SBF2: variants seen among roughly 807,000 people sequenced by gnomAD.
The protein encoded by SBF2 is SET binding factor 2.
SBF2 carries 112 observed loss-of-function variants against 225.2 expected under a neutral mutation model. The ratio of observed to expected loss-of-function variants is 0.50; its 90% CI spans 0.43 to 0.58. The LOEUF (loss-of-function observed/expected upper bound fraction) is 0.58, where lower values mean the gene tolerates loss of function less well. Ranked by LOEUF, SBF2 falls within the 20% of genes least tolerant of loss-of-function variation. SBF2 has a pLI of 0.00. For missense variants in SBF2, 1,996 were observed against 2,206.2 expected (o/e 0.90, Z 1.91); for synonymous variants, 763 against 773.3 (o/e 0.99, Z 0.22).
rs573544810 is a variant in SBF2, at chr11:10,084,488, T to A, written c.142-41507A>T. Among the ~76,000 whole-genome samples, 12 of 152,172 alleles carry A rather than the reference T, an allele frequency of 7.9e-5. 1 individual carries two copies. Among genetic ancestry groups the A allele is most frequent in the Admixed American group, 2.0e-4 (3 of 15,274 alleles). On this transcript the variant is annotated intron_variant, in intron 2 of 39. Coordinates refer to ENST00000256190, the MANE Select transcript of SBF2 (RefSeq NM_030962.4). ...GCTTATACACTGTTGGGTGGGAATGTAAATTAGCACAACCTCTGTAGAAAA... is the reference window on the plus strand; with the variant it reads ...GCTTATACACTGTTGGGTGGGAATGAAAATTAGCACAACCTCTGTAGAAAA...
At chr11:10,152,221 T>A (rs967370218) in intron 2 of SBF2, among the ~76,000 whole-genome samples, 1 of 152,214 alleles carries the variant, frequency 6.6e-6, no homozygotes, top group African/African-American at 2.4e-5. Flanking sequence ...TTGATCCATA[T>A]GCTGAATTAA....
intron 1 of SBF2, among the ~76,000 whole-genome samples, chr11:10,229,140 T>C (rs547983051): frequency 2.6e-5 from 4 of 152,296 alleles, no homozygotes; most frequent in African/African-American, 7.2e-5. Flanking sequence ...GTAGTTTGTA[T>C]TTCTGTGGGA....
chr11:10,066,453 T>C (rs1255828291), intron 2 of SBF2, among the ~76,000 whole-genome samples: 1 of 152,004 alleles, frequency 6.6e-6, no homozygotes, highest in Admixed American at 6.6e-5. Flanking sequence ...TTGATTTACA[T>C]TTGAAAAGCA....
chr11:9,850,274 G>T, intron 21 of SBF2, 56 bp from the exon 22 acceptor site: 1 of 1,542,092 alleles, frequency 6.5e-7, no homozygotes, highest in Non-Finnish European at 8.9e-7. Flanking sequence ...TTGATTTTTG[G>T]AGACAGGGTC....
At chr11:10,261,227 G>A (rs1358530288) in intron 1 of SBF2, among the ~76,000 whole-genome samples, 1 of 152,140 alleles carries the variant, frequency 6.6e-6, no homozygotes, top group African/African-American at 2.4e-5. Flanking sequence ...TTTTGAAACA[G>A]TATCTCACTC....
chr11:10,302,965 C>T (rs1210088436), intron 1 of SBF2: 1 of 152,246 alleles, frequency 6.6e-6, no homozygotes, highest in Non-Finnish European at 1.5e-5. Context: ...TAAAACCTGT[C>T]CTGGCGCGGA....
chr11:10,044,845 A>C (rs2134688521), intron 2 of SBF2, among the ~76,000 whole-genome samples: 1 of 152,320 alleles, frequency 6.6e-6, no homozygotes, highest in African/African-American at 2.4e-5. Flanking sequence ...TGCTCTTGTG[A>C]TCGTGGCTGA....
chr11:10,123,565 AAG>A (rs1336261233), intron 2 of SBF2, among the ~76,000 whole-genome samples: 10 of 152,124 alleles, frequency 6.6e-5, no homozygotes. Context: ...TACTTGAAAA[AAG>A]AGAGAGAAAT....
intron 39 of SBF2, among the ~76,000 whole-genome samples, chr11:9,781,117 A>G (rs543376381): frequency 1.3e-5 from 2 of 152,374 alleles, no homozygotes; most frequent in South Asian, 2.1e-4. Context: ...ATGTTAGCGT[A>G]GACACTTATC....
Position 9,809,038 on chromosome 11 carries a change from C to T in SBF2, c.4156-36G>A, listed in dbSNP as rs372871342. On this transcript the variant is annotated intron_variant, in intron 30 of 39. Transcript: ENST00000256190. ...GGAAGGAGAACACAATTAGACCAAG[C>T]GCTTTCTGAGTGCAGAAGTCAGAGA... The T allele has an allele frequency of 9.0e-5, 139 of 1,543,434 alleles. 1 individual carries two copies. The highest frequency in any genetic ancestry group is 8.1e-4 in the South Asian group (73 of 89,604).
chr11:9,831,712 C>T (rs763099768), intron 27 of SBF2, among the ~76,000 whole-genome samples: 68 of 152,314 alleles, frequency 4.5e-4, no homozygotes, highest in Non-Finnish European at 1.6e-4. Flanking sequence ...CTTATTATTT[C>T]GCTAGCTTCC....
chr11:9,847,317 G>T (rs540765587), intron 22 of SBF2, among the ~76,000 whole-genome samples: 1 of 152,242 alleles, frequency 6.6e-6, no homozygotes, highest in East Asian at 1.9e-4. Flanking sequence ...TCCTTGACTA[G>T]AAGGAATGAG....
At chr11:9,880,415 C>T (rs1859664537) in intron 17 of SBF2, among the ~76,000 whole-genome samples, 1 of 152,234 alleles carries the variant, frequency 6.6e-6, no homozygotes, top group Non-Finnish European at 1.5e-5. Context: ...ATGGCAACAA[C>T]TGCTGAAGCT....
At position 10,222,366 on chromosome 11, in the gene SBF2, T is replaced by TTA. The variant is rs1357015354; in HGVS notation, c.56-28380_56-28379insTA. Among the ~76,000 whole-genome samples, 3 of 152,128 alleles carry TTA rather than the reference T, an allele frequency of 2.0e-5. No individual in the cohort carries two copies. In the East Asian group the frequency reaches 5.8e-4, roughly 29 times the overall value. On this transcript the variant is annotated intron_variant, in intron 1 of 39. Transcript: ENST00000256190. The stretch of plus-strand genomic sequence containing the variant: ...AGCATAGATTTTCAAGCAACTATTA[T>TTA]GATTCTGCTTAATGATGCAGAGAAA...
At chr11:9,974,956 G>A (rs1190947897) in intron 13 of SBF2, among the ~76,000 whole-genome samples, 2 of 49,150 alleles carry the variant, frequency 4.1e-5, no homozygotes, top group Admixed American at 3.3e-4. Context: ...GCGAAACTTT[G>A]ACTCAAAAAA....
intron 17 of SBF2, among the ~76,000 whole-genome samples, chr11:9,890,749 G>A (rs901680263): frequency 8.5e-5 from 13 of 152,292 alleles, no homozygotes; most frequent in Admixed American, 7.2e-4. Context: ...TATTTTGACA[G>A]ATTCCAGGAA....
At chr11:9,967,959 C>G (rs78351434) in intron 14 of SBF2, among the ~76,000 whole-genome samples, 4 of 111,750 alleles carry the variant, frequency 3.6e-5, no homozygotes, top group African/African-American at 1.3e-4. Flanking sequence ...CTCTCTCTCT[C>G]TCTCTCTCTC....
intron 2 of SBF2, among the ~76,000 whole-genome samples, chr11:10,131,328 T>C (rs138560929): frequency 1.3e-5 from 2 of 152,064 alleles, no homozygotes; most frequent in East Asian, 3.9e-4. Flanking sequence ...CAGGCTTAAG[T>C]AGATCCTCCT....
intron 14 of SBF2, among the ~76,000 whole-genome samples, chr11:9,964,955 G>C (rs1049066943): frequency 7.2e-5 from 11 of 152,044 alleles, no homozygotes; most frequent in Non-Finnish European, 1.0e-4. Flanking sequence ...TGGGCTTTTA[G>C]TGTATCCATC....
Sources: allele counts gnomAD v4.1 joint callset (sites outside exome capture counted in the v4.1 genomes callset), GRCh38; gene constraint gnomAD v4.1.1; transcripts MANE v1.5; gene names NCBI Gene and HGNC (gene_info 2026-07-23, HGNC 2026-07-21).